PDE10A: variants seen among roughly 807,000 people sequenced by gnomAD.
PDE10A encodes cAMP and cAMP-inhibited cGMP 3',5'-cyclic phosphodiesterase 10A.
In PDE10A, 39 loss-of-function variants were observed where a neutral mutation model predicts 97.7. That is an observed-to-expected ratio of 0.40 (90% CI 0.31 to 0.52). The LOEUF is 0.52. Ranked by LOEUF, PDE10A falls within the 20% of genes least tolerant of loss-of-function variation. The pLI is 0.56. For synonymous variants in PDE10A, 371 were observed against 376.8 expected, an observed-to-expected ratio of 0.98 and a Z score of 0.18; for missense variants, 731 against 1,047.8, an observed-to-expected ratio of 0.70 and a Z score of 4.17.
At chr6:165,866,297 C>T (rs532459213) in intron 1 of PDE10A, among the ~76,000 whole-genome samples, 243 of 151,874 alleles carry the variant, frequency 1.6e-3, no homozygotes, top group African/African-American at 5.7e-3. Flanking sequence ...TATATGACCA[C>T]ATCTGTTGAA....
chr6:165,837,283 A>G (rs2128472212), intron 1 of PDE10A, among the ~76,000 whole-genome samples: 1 of 152,344 alleles, frequency 6.6e-6, no homozygotes, highest in East Asian at 1.9e-4. Flanking sequence ...ACAAGATTAT[A>G]ATGCTAACTA....
chr6:165,570,609 T>G (rs538360249), intron 1 of PDE10A, among the ~76,000 whole-genome samples: 15 of 152,356 alleles, frequency 9.8e-5, no homozygotes, highest in Non-Finnish European at 2.2e-4. Flanking sequence ...ATAACTCGAT[T>G]TTCTTTAATG....
intron 1 of PDE10A, among the ~76,000 whole-genome samples, chr6:165,683,928 C>T (rs1791046613): frequency 6.6e-6 from 1 of 152,224 alleles, no homozygotes. Flanking sequence ...ACACCACCTC[C>T]TGGCTATTCC....
At chr6:165,366,319 C>A (rs1025777691) in intron 18 of PDE10A, among the ~76,000 whole-genome samples, 2 of 151,962 alleles carry the variant, frequency 1.3e-5, no homozygotes, top group Admixed American at 6.6e-5. Flanking sequence ...AAAAGTAGAA[C>A]AAATTTTATT....
At chr6:165,421,665 A>C (rs901820488) in intron 10 of PDE10A, among the ~76,000 whole-genome samples, 11 of 152,350 alleles carry the variant, frequency 7.2e-5, no homozygotes, top group African/African-American at 2.6e-4. Context: ...GGCAAGAAGA[A>C]CATGTGAGGT....
chr6:165,742,566 G>T (rs1230807432), intron 1 of PDE10A, among the ~76,000 whole-genome samples: 1 of 152,074 alleles, frequency 6.6e-6, no homozygotes, highest in African/African-American at 2.4e-5. Flanking sequence ...TGGCAGGTGG[G>T]CTCGGGTCAC....
At chr6:165,452,975 G>A (rs1461949368) in intron 3 of PDE10A, among the ~76,000 whole-genome samples, 1 of 151,884 alleles carries the variant, frequency 6.6e-6, no homozygotes, top group Non-Finnish European at 1.5e-5. Context: ...TCAGAATACT[G>A]ATAGAAACAT....
intron 2 of PDE10A, among the ~76,000 whole-genome samples, chr6:165,502,479 T>C (rs1299804687): frequency 1.3e-5 from 2 of 152,218 alleles, no homozygotes; most frequent in South Asian, 2.1e-4. Context: ...CAAATGATGA[T>C]GCAGAAATGA....
At chr6:165,798,855 G>A (rs1452942111) in intron 1 of PDE10A, among the ~76,000 whole-genome samples, 4 of 152,118 alleles carry the variant, frequency 2.6e-5, no homozygotes, top group African/African-American at 4.8e-5. Context: ...TTACAAGCAC[G>A]TGCCACCACG....
At chr6:165,849,166 T>G (rs1780502689) in intron 1 of PDE10A, among the ~76,000 whole-genome samples, 1 of 152,224 alleles carries the variant, frequency 6.6e-6, no homozygotes, top group Non-Finnish European at 1.5e-5. Flanking sequence ...CTCCTAGCAA[T>G]GAGTTTCATC....
In PDE10A at chr6:165,422,432, C is replaced by T. The variant is rs535671053; in HGVS notation, c.1654-3655G>A. ...ATACACACATATGCATACACACATACGCATACACACATACGCATATACACA... is the reference window on the plus strand; with the variant it reads ...ATACACACATATGCATACACACATATGCATACACACATACGCATATACACA... On this transcript the variant is annotated intron_variant, in intron 10 of 21. Coordinates refer to ENST00000539869, the MANE Select transcript of PDE10A (RefSeq NM_001385079.1). Among the ~76,000 whole-genome samples, 40 of 142,472 alleles carry T rather than the reference C, an allele frequency of 2.8e-4. 1 individual carries two copies. The highest frequency in any genetic ancestry group is 3.4e-3 in the Middle Eastern group (1 of 298). The allele number at this position is 142,472 out of a possible 152,430, so 93.5% of individuals were successfully genotyped here. A position where few individuals can be genotyped will look rare whatever the true frequency, so the allele number is the denominator to read the frequency against.
chr6:165,701,776 C>CGTGTGTGTGTGTGCGT, intron 1 of PDE10A, among the ~76,000 whole-genome samples: 1 of 147,002 alleles, frequency 6.8e-6, no homozygotes, highest in African/African-American at 2.5e-5. Context: ...TGTATGTTTG[C>CGTGTGTGTGTGTGCGT]GTGTGTGTGT....
intron 1 of PDE10A, among the ~76,000 whole-genome samples, chr6:165,755,874 A>G (rs1418330121): frequency 1.3e-5 from 2 of 152,182 alleles, no homozygotes; most frequent in Non-Finnish European, 2.9e-5. Context: ...GAAAATGTGT[A>G]TTGAGGTGTC....
At chr6:165,450,678 C>T (rs975930725) in intron 3 of PDE10A, among the ~76,000 whole-genome samples, 2 of 152,044 alleles carry the variant, frequency 1.3e-5, no homozygotes, top group Non-Finnish European at 2.9e-5. Context: ...ACCTCAGCCT[C>T]CCAAGCAGCT....
intron 1 of PDE10A, among the ~76,000 whole-genome samples, chr6:165,867,463 T>C (rs777815635): frequency 2.6e-5 from 4 of 151,958 alleles, no homozygotes; most frequent in Admixed American, 6.6e-5. Context: ...AAAGAATCAA[T>C]TCAGCAAGAG....
chr6:165,895,632 C>T (rs1781921755), intron 1 of PDE10A, among the ~76,000 whole-genome samples: 1 of 152,240 alleles, frequency 6.6e-6, no homozygotes, highest in Admixed American at 6.5e-5. Context: ...ATCCCTTTCC[C>T]TGTCCTGGCC....
intron 1 of PDE10A, among the ~76,000 whole-genome samples, chr6:165,870,345 A>G (rs1377795440): frequency 1.3e-5 from 2 of 152,226 alleles, no homozygotes; most frequent in African/African-American, 2.4e-5. Flanking sequence ...GAAGTACATG[A>G]AAAATGCTCA....
chr6:165,631,559 C>T (rs1788629939), intron 1 of PDE10A, among the ~76,000 whole-genome samples: 1 of 152,158 alleles, frequency 6.6e-6, no homozygotes, highest in African/African-American at 2.4e-5. Flanking sequence ...ATCTACATTA[C>T]TACAGATTCA....
In PDE10A at chr6:165,478,437, C is replaced by A. The variant is rs563409955; in HGVS notation, c.1023+3878G>T. On this transcript the variant is annotated intron_variant, in intron 3 of 21. Coordinates refer to ENST00000539869, the MANE Select transcript of PDE10A (RefSeq NM_001385079.1). Reference sequence around the variant, plus strand: ...GGGGTTGGACATGTCTCATTACAACCTTCTCCCTTTGAAATTCAGGCACAG... The same window carrying A: ...GGGGTTGGACATGTCTCATTACAACATTCTCCCTTTGAAATTCAGGCACAG... 9.2e-5 allele frequency among the ~76,000 whole-genome samples: 14 copies of A among 152,222 alleles called. No homozygotes were observed. The South Asian group carries it at 2.5e-3, about 27-fold the overall frequency.
Sources: allele counts gnomAD v4.1 joint callset (sites outside exome capture counted in the v4.1 genomes callset), GRCh38; gene constraint gnomAD v4.1.1; transcripts MANE v1.5; gene names NCBI Gene and HGNC (gene_info 2026-07-23, HGNC 2026-07-21).